The following FHIT variants were observed in gnomAD, a reference collection of about 807,000 sequenced individuals.
FHIT encodes fragile histidine triad diadenosine triphosphatase.
FHIT carries 19 observed loss-of-function variants against 17.9 expected under a neutral mutation model. The ratio of observed to expected loss-of-function variants is 1.06; its 90% CI spans 0.74 to 1.56. FHIT has a LOEUF of 1.56. FHIT is among the 40% of genes most tolerant of loss of function. The pLI, the probability that FHIT is intolerant of heterozygous loss-of-function variation, is 0.00. For missense variants in FHIT, 248 were observed against 189.2 expected (o/e 1.31, Z -1.82); for synonymous variants, 81 against 69.7 (o/e 1.16, Z -0.81).
At chr3:60,617,469 A>G (rs886699408) in intron 4 of FHIT, 3 of 155,876 alleles carry the variant, frequency 1.9e-5, no homozygotes, top group African/African-American at 7.2e-5. Context: ...GGTCACAATG[A>G]TCCCACAGAT....
intron 5 of FHIT, among the ~76,000 whole-genome samples, chr3:60,329,158 A>C (rs1404532046): frequency 1.3e-5 from 2 of 152,238 alleles, no homozygotes; most frequent in African/African-American, 2.4e-5. Flanking sequence ...AGACTGTTCA[A>C]TGAGCAATAT....
At chr3:60,516,150 C>T (rs182416737) in intron 5 of FHIT, among the ~76,000 whole-genome samples, 4 of 152,066 alleles carry the variant, frequency 2.6e-5, no homozygotes, top group South Asian at 2.1e-4. Flanking sequence ...TTGACTACAC[C>T]GAAGAGCTTG....
At chr3:59,786,054 A>C (rs1187262849) in intron 8 of FHIT, among the ~76,000 whole-genome samples, 1 of 152,198 alleles carries the variant, frequency 6.6e-6, no homozygotes. Context: ...AATAAACAAG[A>C]CACCAGGTAA....
At chr3:59,810,351 G>A (rs1700365951) in intron 8 of FHIT, among the ~76,000 whole-genome samples, 1 of 152,134 alleles carries the variant, frequency 6.6e-6, no homozygotes, top group Admixed American at 6.5e-5. Flanking sequence ...TCCAGACTTT[G>A]GCATGAAACA....
chr3:60,768,269 A>C (rs1339795664), intron 4 of FHIT, among the ~76,000 whole-genome samples: 3 of 152,176 alleles, frequency 2.0e-5, no homozygotes, highest in Non-Finnish European at 4.4e-5. Context: ...TAGGAAGAAA[A>C]AGAGGGGAAG....
At chr3:61,114,690 G>A (rs2036251267) in intron 2 of FHIT, among the ~76,000 whole-genome samples, 1 of 152,106 alleles carries the variant, frequency 6.6e-6, no homozygotes, top group South Asian at 2.1e-4. Context: ...ACCCTGTCCT[G>A]TTAATGCAAT....
At chr3:60,621,805 T>C (rs1219177626) in intron 4 of FHIT, among the ~76,000 whole-genome samples, 3 of 150,538 alleles carry the variant, frequency 2.0e-5, no homozygotes, top group Non-Finnish European at 4.4e-5. Context: ...CACAGGAGAT[T>C]AAGGGTACAG....
At chr3:60,497,349 A>T (rs2034342380) in intron 5 of FHIT, among the ~76,000 whole-genome samples, 1 of 152,194 alleles carries the variant, frequency 6.6e-6, no homozygotes, top group Non-Finnish European at 1.5e-5. Context: ...GTATGAAAAT[A>T]TGTTAAATTT....
At chr3:60,621,141 T>C (rs1244337555) in intron 4 of FHIT, among the ~76,000 whole-genome samples, 5 of 133,066 alleles carry the variant, frequency 3.8e-5, no homozygotes, top group East Asian at 4.4e-4. Flanking sequence ...CAGTCTACTT[T>C]TGATTTTTTT....
At chr3:59,966,849 G>A (rs1361868539) in intron 7 of FHIT, among the ~76,000 whole-genome samples, 1 of 152,024 alleles carries the variant, frequency 6.6e-6, no homozygotes, top group Non-Finnish European at 1.5e-5. Context: ...TATACTAAAT[G>A]AATCTTCTAA....
chr3:59,809,347 C>G (rs1375008934), intron 8 of FHIT, among the ~76,000 whole-genome samples: 1 of 152,140 alleles, frequency 6.6e-6, no homozygotes, highest in African/African-American at 2.4e-5. Context: ...CCAAAGAAGG[C>G]CAAAGATTGC....
intron 1 of FHIT, among the ~76,000 whole-genome samples, chr3:61,227,983 T>C (rs1161968416): frequency 6.6e-6 from 1 of 152,156 alleles, no homozygotes; most frequent in East Asian, 1.9e-4. Flanking sequence ...ATGTCTGTAG[T>C]TATTAATCAC....
chr3:59,808,403 G>A (rs1378733583), intron 8 of FHIT, among the ~76,000 whole-genome samples: 1 of 152,112 alleles, frequency 6.6e-6, no homozygotes, highest in Admixed American at 6.5e-5. Flanking sequence ...GGAGATGGAG[G>A]CCCTCTCTGA....
intron 5 of FHIT, among the ~76,000 whole-genome samples, chr3:60,226,850 G>A (rs1218202753): frequency 3.3e-5 from 5 of 152,076 alleles, no homozygotes; most frequent in Non-Finnish European, 7.4e-5. Context: ...CTATTGTCAC[G>A]CCACTTCTCT....
At chr3:61,041,080 T>C (rs2033486906) in intron 3 of FHIT, among the ~76,000 whole-genome samples, 1 of 152,108 alleles carries the variant, frequency 6.6e-6, no homozygotes, top group Non-Finnish European at 1.5e-5. Flanking sequence ...AATAACCTCA[T>C]ATTAAAATTT....
At chr3:60,196,838 A>T (rs1702665559) in intron 5 of FHIT, among the ~76,000 whole-genome samples, 1 of 151,980 alleles carries the variant, frequency 6.6e-6, no homozygotes, top group Admixed American at 6.6e-5. Context: ...TAAAAAAAAA[A>T]ATCAAGCAGG....
intron 2 of FHIT, among the ~76,000 whole-genome samples, chr3:61,135,183 TAAG>T (rs2036877697): frequency 6.6e-6 from 1 of 152,126 alleles, no homozygotes. Flanking sequence ...CCAGGCTAGT[TAAG>T]GAGAAAAAAA....
chr3:60,868,431 C>G (rs1704257727), intron 3 of FHIT, among the ~76,000 whole-genome samples: 1 of 152,154 alleles, frequency 6.6e-6, no homozygotes, highest in Non-Finnish European at 1.5e-5. Context: ...GTATATTACA[C>G]TTACTGCTCT....
At chr3:60,543,907 C>CTTTTTTTTT (rs71092612) in intron 4 of FHIT, among the ~76,000 whole-genome samples, 2,877 of 51,912 alleles carry the variant, frequency 0.055, 598 homozygotes, top group East Asian at 0.14. Context: ...CCACGCCCGG[C>CTTTTTTTTT]TTTTTTTTTT....
Sources: gnomAD v4.1 joint callset for allele counts (sites outside exome capture counted in the v4.1 genomes callset) on GRCh38, gnomAD v4.1.1 for gene constraint, MANE v1.5 for transcripts, NCBI Gene and HGNC (gene_info 2026-07-23, HGNC 2026-07-21) for gene names.